Variants in TMCO6 observed in about 807,000 individuals in gnomAD.
The protein encoded by TMCO6 is transmembrane and coiled-coil domain-containing protein 6.
TMCO6 carries 47 observed loss-of-function variants against 61.8 expected under a neutral mutation model. That is an observed-to-expected ratio of 0.76 (90% confidence interval 0.60 to 0.97). The LOEUF is 0.97. Among genes scored for constraint, TMCO6 ranks in the 50% least tolerant of loss-of-function variants. The pLI, the probability that TMCO6 is intolerant of heterozygous loss-of-function variation, is 0.00. For missense variants in TMCO6, 557 were observed against 601.6 expected (o/e 0.93, Z 0.78); for synonymous variants, 261 against 254.2 (o/e 1.03, Z -0.25).
chr5:140,618,190 G>A, the TMCO6 span, among the ~76,000 whole-genome samples: 4 of 152,178 alleles, frequency 2.6e-5, no homozygotes, highest in African/African-American at 4.8e-5. Flanking sequence ...CAGCACTTTG[G>A]AGGCTGAGGT....
intron 7 of TMCO6, 52 bp downstream of exon 7, chr5:140,643,093 A>T (rs770009271): frequency 1.9e-5 from 30 of 1,611,868 alleles, no homozygotes; most frequent in Non-Finnish European, 2.2e-5. Context: ...GCTCCCTTCC[A>T]TGACATTCAA....
chr5:140,619,921 G>A, the TMCO6 span, among the ~76,000 whole-genome samples: 20 of 152,332 alleles, frequency 1.3e-4, no homozygotes, highest in African/African-American at 4.8e-4. Flanking sequence ...GGAGCAACAG[G>A]AACTCTCATT....
the TMCO6 span, among the ~76,000 whole-genome samples, chr5:140,628,791 G>C: frequency 1.6e-4 from 25 of 152,232 alleles, no homozygotes; most frequent in South Asian, 8.3e-4. Context: ...CTATTCTTGT[G>C]CTGGGGGTCC....
chr5:140,645,778 G>C, downstream of TMCO6: 1 of 1,557,128 alleles, frequency 6.4e-7, no homozygotes, highest in Admixed American at 1.8e-5. Flanking sequence ...TGTTAAGACA[G>C]GAAGAGTATT....
At chr5:140,628,339 G>A in the TMCO6 span, among the ~76,000 whole-genome samples, 3 of 152,118 alleles carry the variant, frequency 2.0e-5, no homozygotes, top group Non-Finnish European at 4.4e-5. Context: ...TCCTGAAATT[G>A]CGGCCCAGCA....
At chr5:140,601,517 C>G in the TMCO6 span, among the ~76,000 whole-genome samples, 3 of 152,194 alleles carry the variant, frequency 2.0e-5, no homozygotes. Flanking sequence ...CAGAGTACTG[C>G]TCTAAGACCG....
the TMCO6 span, among the ~76,000 whole-genome samples, chr5:140,615,046 G>A: frequency 6.6e-6 from 1 of 152,140 alleles, no homozygotes; most frequent in African/African-American, 2.4e-5. Context: ...CTTATATGTA[G>A]AAAACCCTAA....
chr5:140,642,760 G>T, intron 6 of TMCO6, 89 bp downstream of exon 6: 1 of 1,581,076 alleles, frequency 6.3e-7, no homozygotes, highest in South Asian at 1.1e-5. Context: ...CAAAGCTGTT[G>T]CACATTTTAA....
At chr5:140,633,112 C>T in the TMCO6 span, 1 of 1,613,476 alleles carries the variant, frequency 6.2e-7, no homozygotes, top group African/African-American at 1.3e-5. Flanking sequence ...CGGACAGGCT[C>T]TGGAAGTGCT....
the TMCO6 span, chr5:140,632,946 GGCA>G: frequency 1.2e-6 from 2 of 1,613,944 alleles, no homozygotes; most frequent in Non-Finnish European, 8.5e-7. The surrounding 1 kb of genome is among the most constrained non-coding windows in gnomAD (Gnocchi z 6.2). Context: ...GTGCACCAGC[GGCA>G]GCAGCAGCAG....
At chr5:140,626,287 GTACTATTA>G in the TMCO6 span, among the ~76,000 whole-genome samples, 1 of 151,722 alleles carries the variant, frequency 6.6e-6, no homozygotes, top group Admixed American at 6.6e-5. Flanking sequence ...ATGCAATGGT[GTACTATTA>G]ATGTCAAACC....
chr5:140,619,747 A>G, the TMCO6 span, among the ~76,000 whole-genome samples: 1 of 152,196 alleles, frequency 6.6e-6, no homozygotes. Flanking sequence ...CTCCAAAATA[A>G]ACCTGTCTTA....
the TMCO6 span, among the ~76,000 whole-genome samples, chr5:140,605,890 C>T: frequency 6.6e-6 from 1 of 152,066 alleles, no homozygotes; most frequent in African/African-American, 2.4e-5. Context: ...CTGATTCAAT[C>T]TCTTGTTATA....
chr5:140,645,574 C>T (rs971481499), downstream of TMCO6: 4 of 1,613,946 alleles, frequency 2.5e-6, no homozygotes, highest in African/African-American at 5.3e-5. Flanking sequence ...GCTCTTAATC[C>T]TCAGTGGAGG....
the TMCO6 span, among the ~76,000 whole-genome samples, chr5:140,598,656 C>T: frequency 0.21 from 31,201 of 151,962 alleles, 3,562 homozygotes; most frequent in East Asian, 0.29. Flanking sequence ...TATTCCTGGC[C>T]GGGTGCAGTG....
the TMCO6 span, among the ~76,000 whole-genome samples, chr5:140,619,657 C>T: frequency 5.9e-5 from 9 of 152,206 alleles, no homozygotes; most frequent in Admixed American, 3.9e-4. Context: ...CTCTCCCACC[C>T]TAAATCCTTA....
chr5:140,639,541 G>T lies in TMCO6; in HGVS notation c.14G>T (p.Arg5Leu). The T allele has an allele frequency of 2.6e-6, 4 of 1,549,920 alleles. No individual in the cohort carries two copies. Among genetic ancestry groups the T allele is most frequent in the African/African-American group, 1.4e-5 (1 of 73,134 alleles). MWSR[R>L]QGRLRPTVCG... ...TCCTGCTCCACCATGTGGAGCCGAC[G>T]GCAGGGCCGCCTCAGGCCCACGGTC... The change falls in exon 1 of 12, where the codon CGG becomes CTG. Residue 5 changes from arginine to leucine, a missense_variant. Physicochemically the swap from Arg to Leu is moderately radical, Grantham distance 102 (BLOSUM62 -2). Transcript: ENST00000394671.
the TMCO6 span, among the ~76,000 whole-genome samples, chr5:140,600,689 T>A: frequency 6.6e-6 from 1 of 152,064 alleles, no homozygotes; most frequent in East Asian, 1.9e-4. Context: ...GGTCTCAAGC[T>A]CCTGACCTCA....
chr5:140,640,871 T>G (rs1336101624), intron 2 of TMCO6: 2 of 152,412 alleles, frequency 1.3e-5, no homozygotes, highest in Non-Finnish European at 2.9e-5. Flanking sequence ...AATGAGTGAA[T>G]GAAAGGATTT....
Sources: allele counts gnomAD v4.1 joint callset (sites outside exome capture counted in the v4.1 genomes callset), GRCh38; gene constraint gnomAD v4.1.1; non-coding constraint Gnocchi (gnomAD v3.1); transcripts MANE v1.5; gene names NCBI Gene and HGNC (gene_info 2026-07-23, HGNC 2026-07-21).